Variants in DLG2 observed in about 807,000 individuals in gnomAD.
The protein encoded by DLG2 is discs large MAGUK scaffold protein 2.
A neutral mutation model predicts 132.5 loss-of-function variants in DLG2; 45 were observed. The observed-to-expected ratio is 0.34, with a 90% confidence interval of 0.27 to 0.44. The LOEUF (loss-of-function observed/expected upper bound fraction) is 0.44. DLG2 is among the 20% of genes least tolerant of loss of function. The pLI is 1.00. For missense variants in DLG2, 1,045 were observed against 1,196.9 expected, an observed-to-expected ratio of 0.87 and a Z score of 1.87; for synonymous variants, 424 against 419.6, an observed-to-expected ratio of 1.01 and a Z score of -0.13.
chr11:84,285,718 C>G (rs988618828), intron 7 of DLG2, among the ~76,000 whole-genome samples: 2 of 152,184 alleles, frequency 1.3e-5, no homozygotes, highest in African/African-American at 4.8e-5. Context: ...ACCTTACTCA[C>G]GACATCCTGT....
In DLG2 at chr11:84,955,822, G is replaced by A. The variant is rs370192571; in HGVS notation, c.357+155839C>T. 30 of 152,282 alleles carry A rather than the reference G, an allele frequency of 2.0e-4. No homozygotes were observed. The East Asian group carries it at 5.6e-3, about 28-fold the overall frequency. The allele number at this position is 152,282 out of a possible 1,614,324, so 9.4% of individuals were successfully genotyped here. A position where few individuals can be genotyped will look rare whatever the true frequency, so the allele number is the denominator to read the frequency against. On this transcript the variant is annotated intron_variant, in intron 6 of 27. Coordinates refer to ENST00000376104, the MANE Select transcript of DLG2 (RefSeq NM_001142699.3). The stretch of plus-strand genomic sequence containing the variant: ...AGATGCCAAATATTCTTAAAATACT[G>A]ATGAGGAAATAACTTACAAATGGGT...
intron 6 of DLG2, among the ~76,000 whole-genome samples, chr11:84,907,702 T>C (rs1273851432): frequency 6.6e-6 from 1 of 152,122 alleles, no homozygotes; most frequent in Non-Finnish European, 1.5e-5. Context: ...ACTTAGAACA[T>C]GGCAGAGGAG....
chr11:84,915,179 T>G (rs1208948383), intron 6 of DLG2, among the ~76,000 whole-genome samples: 4 of 152,168 alleles, frequency 2.6e-5, no homozygotes, highest in Non-Finnish European at 5.9e-5. Context: ...AAATTATGAG[T>G]TATGACCCAT....
chr11:85,237,325 C>A (rs1003156089), intron 4 of DLG2, among the ~76,000 whole-genome samples: 1 of 151,992 alleles, frequency 6.6e-6, no homozygotes, highest in African/African-American at 2.4e-5. Context: ...GAATGAGATG[C>A]CTTCACCAAG....
intron 18 of DLG2, among the ~76,000 whole-genome samples, chr11:83,744,921 T>C (rs556219786): frequency 1.3e-5 from 2 of 152,342 alleles, no homozygotes; most frequent in South Asian, 2.1e-4. Flanking sequence ...TCCAGAACCT[T>C]TCATGTTGAG....
chr11:83,535,887 C>A (rs924916124), intron 20 of DLG2, among the ~76,000 whole-genome samples: 2 of 152,122 alleles, frequency 1.3e-5, no homozygotes, highest in African/African-American at 4.8e-5. Flanking sequence ...CATTTTATAA[C>A]TGAAGAAACT....
chr11:85,427,373 A>T (rs753979143), intron 3 of DLG2, among the ~76,000 whole-genome samples: 37 of 152,244 alleles, frequency 2.4e-4, no homozygotes, highest in Non-Finnish European at 4.6e-4. Flanking sequence ...GGGCAGCCAG[A>T]GAGAAAGGTC....
At chr11:83,572,284 T>A (rs1466626151) in intron 19 of DLG2, among the ~76,000 whole-genome samples, 2 of 152,162 alleles carry the variant, frequency 1.3e-5, no homozygotes, top group East Asian at 1.9e-4. Context: ...TATTAAGGAC[T>A]TTGTGGGGTA....
intron 6 of DLG2, among the ~76,000 whole-genome samples, chr11:85,065,985 G>T (rs147399551): frequency 1.1e-3 from 160 of 151,600 alleles, no homozygotes; most frequent in Non-Finnish European, 1.9e-3. Context: ...ACAAAAGTGA[G>T]ATAATAAATG....
intron 16 of DLG2, among the ~76,000 whole-genome samples, chr11:83,869,125 A>G (rs957068505): frequency 1.3e-5 from 2 of 152,190 alleles, no homozygotes; most frequent in Non-Finnish European, 2.9e-5. Context: ...TGCCAAAATC[A>G]CACAGTAAGA....
chr11:83,480,494 G>C (rs1450362793), intron 22 of DLG2: 1 of 1,491,806 alleles, frequency 6.7e-7, no homozygotes, highest in East Asian at 2.5e-5. Flanking sequence ...CTCATGCAAG[G>C]CTACCAGAAA....
chr11:83,811,314 T>C (rs1033679006), intron 17 of DLG2, among the ~76,000 whole-genome samples: 1 of 152,136 alleles, frequency 6.6e-6, no homozygotes, highest in African/African-American at 2.4e-5. Context: ...ACTAAATTCT[T>C]TGAAGACTCT....
Position 83,718,796 on chromosome 11 carries a change from G to GC in DLG2, c.1825+67893dup, listed in dbSNP as rs370980005. Among the ~76,000 whole-genome samples the GC allele has an allele frequency of 2.7e-4, 41 of 152,210 alleles. 1 individual carries two copies. Among genetic ancestry groups the GC allele is most frequent in the African/African-American group, 9.6e-4 (40 of 41,538 alleles). ...AGAAGACAATATTGAAGAAAATGTTGCCCTGGGGTAAAAAGAATAAGGAGC... is the reference window on the plus strand; with the variant it reads ...AGAAGACAATATTGAAGAAAATGTTGCCCCTGGGGTAAAAAGAATAAGGAGC... On this transcript the variant is annotated intron_variant, in intron 18 of 27. Coordinates refer to ENST00000376104, the MANE Select transcript of DLG2 (RefSeq NM_001142699.3).
chr11:84,436,490 G>A (rs972943548), intron 7 of DLG2, among the ~76,000 whole-genome samples: 1 of 152,200 alleles, frequency 6.6e-6, no homozygotes, highest in Non-Finnish European at 1.5e-5. Flanking sequence ...ATACTGGGCT[G>A]AAGATCATAT....
At chr11:85,139,956 G>A (rs755707124) in intron 5 of DLG2, among the ~76,000 whole-genome samples, 85 of 151,858 alleles carry the variant, frequency 5.6e-4, no homozygotes, top group South Asian at 1.2e-3. Context: ...TTAGCATAAT[G>A]TCCTCCCAGG....
intron 4 of DLG2, among the ~76,000 whole-genome samples, chr11:85,223,149 G>A (rs1297949073): frequency 6.6e-6 from 1 of 152,118 alleles, no homozygotes; most frequent in African/African-American, 2.4e-5. Flanking sequence ...TACCTATAAG[G>A]TATAATCTAT....
chr11:83,911,586 C>T (rs2076056829), intron 15 of DLG2, among the ~76,000 whole-genome samples: 1 of 152,000 alleles, frequency 6.6e-6, no homozygotes, highest in Admixed American at 6.6e-5. Context: ...GCAAAATTGT[C>T]CATCTCATGT....
At chr11:85,049,569 G>A (rs1460122056) in intron 6 of DLG2, among the ~76,000 whole-genome samples, 1 of 152,006 alleles carries the variant, frequency 6.6e-6, no homozygotes, top group Non-Finnish European at 1.5e-5. Flanking sequence ...TCTGCACTAG[G>A]TTCTCAATAA....
chr11:85,608,941 C>T (rs143708842), intron 2 of DLG2, among the ~76,000 whole-genome samples: 5,543 of 152,226 alleles, frequency 0.036, 154 homozygotes, highest in Admixed American at 0.053. Context: ...TACCTGGTAT[C>T]TCAGTCAAGT....
Sources: allele counts gnomAD v4.1 joint callset (sites outside exome capture counted in the v4.1 genomes callset), GRCh38; gene constraint gnomAD v4.1.1; transcripts MANE v1.5; gene names NCBI Gene and HGNC (gene_info 2026-07-23, HGNC 2026-07-21).